The following FREM3 variants were observed in gnomAD, a reference collection of about 807,000 sequenced individuals.
FREM3 encodes the protein FRAS1-related extracellular matrix protein 3.
FREM3 carries 105 observed loss-of-function variants against 129.1 expected under a neutral mutation model. That is an observed-to-expected ratio of 0.81 (90% CI 0.69 to 0.96). The LOEUF (loss-of-function observed/expected upper bound fraction) is 0.96, where lower values mean the gene tolerates loss of function less well. FREM3 is among the 40% of genes least tolerant of loss of function. The pLI is 0.00. For synonymous variants in FREM3, 1,014 were observed against 1,044.9 expected (o/e 0.97, Z 0.57); for missense variants, 2,593 against 2,666.3 (o/e 0.97, Z 0.61).
chr4:143,670,886 A>G (rs956467705), intron 2 of FREM3, among the ~76,000 whole-genome samples: 1 of 152,162 alleles, frequency 6.6e-6, no homozygotes. Flanking sequence ...AAAATAAATT[A>G]TAATGAAAAA....
At chr4:143,655,690 G>T (rs150680184) in intron 2 of FREM3, among the ~76,000 whole-genome samples, 29 of 152,162 alleles carry the variant, frequency 1.9e-4, no homozygotes, top group African/African-American at 6.5e-4. Context: ...AAAACCATGT[G>T]GAAAAAAATA....
chr4:143,579,494 G>A (rs1738096682), intron 7 of FREM3, among the ~76,000 whole-genome samples: 1 of 152,164 alleles, frequency 6.6e-6, no homozygotes, highest in Admixed American at 6.5e-5. Context: ...AAATTACTAA[G>A]GCAGGAGAGT....
In FREM3 at chr4:143,700,529, C is replaced by T; in HGVS notation, c.147G>A (p.Arg49=). 6.6e-7 allele frequency: 1 copy of T among 1,519,634 alleles called. No individual in the cohort carries two copies. Among genetic ancestry groups the T allele is most frequent in the African/African-American group, 1.4e-5 (1 of 72,698 alleles). 94.1% of individuals were successfully genotyped at this position (1,519,634 alleles called of 1,614,324 possible). Residue 49 remains arginine (R), a synonymous_variant, in exon 1 of 8, where the codon CGG becomes CGA. Coordinates refer to ENST00000329798, the MANE Select transcript of FREM3 (RefSeq NM_001168235.2). ...CGGGGCGAGTGCCGTCAAGCGCACCCCGGGCGGGCAGGTAAAGCGCCGGGT... is the reference window on the plus strand; with the variant it reads ...CGGGGCGAGTGCCGTCAAGCGCACCTCGGGCGGGCAGGTAAAGCGCCGGGT... The part of the protein sequence containing the change: ...EPDPALYLPA[R]GALDGTRPDG...
At chr4:143,680,216 C>CTATA (rs34374191) in intron 2 of FREM3, among the ~76,000 whole-genome samples, 4 of 148,108 alleles carry the variant, frequency 2.7e-5, no homozygotes, top group African/African-American at 9.9e-5. Context: ...AGACCTTCCC[C>CTATA]TATATATATA....
intron 2 of FREM3, among the ~76,000 whole-genome samples, chr4:143,641,005 A>G (rs1739313007): frequency 6.6e-6 from 1 of 152,192 alleles, no homozygotes; most frequent in Non-Finnish European, 1.5e-5. Context: ...ATAATAAATA[A>G]AAACAAATAT....
chr4:143,676,330 A>G (rs1325860137), intron 2 of FREM3, among the ~76,000 whole-genome samples: 2 of 152,344 alleles, frequency 1.3e-5, no homozygotes, highest in Admixed American at 1.3e-4. Flanking sequence ...GGCCTTTGAC[A>G]AAATTCAACA....
At chr4:143,591,758 A>T (rs2149835071) in intron 6 of FREM3, among the ~76,000 whole-genome samples, 1 of 152,292 alleles carries the variant, frequency 6.6e-6, no homozygotes, top group Non-Finnish European at 1.5e-5. Context: ...TATGAGGTCC[A>T]CTTGGTGCAG....
At chr4:143,622,622 A>G (rs1267405338) in intron 4 of FREM3, among the ~76,000 whole-genome samples, 3 of 152,144 alleles carry the variant, frequency 2.0e-5, no homozygotes, top group African/African-American at 7.2e-5. Context: ...TTTTACCTGT[A>G]TGGTAGTCTA....
chr4:143,613,825 C>T (rs1738800006), intron 5 of FREM3, among the ~76,000 whole-genome samples: 1 of 152,166 alleles, frequency 6.6e-6, no homozygotes, highest in Admixed American at 6.5e-5. Context: ...AAAGCAGATA[C>T]TGTAGACACT....
At chr4:143,660,230 G>A (rs1341629934) in intron 2 of FREM3, among the ~76,000 whole-genome samples, 2 of 151,530 alleles carry the variant, frequency 1.3e-5, no homozygotes, top group East Asian at 3.9e-4. Context: ...TAACATTTAA[G>A]TCTTTAATCC....
intron 5 of FREM3, among the ~76,000 whole-genome samples, chr4:143,620,426 C>T (rs17748168): frequency 0.34 from 52,150 of 152,126 alleles, 10,326 homozygotes; most frequent in Middle Eastern, 0.47. Context: ...CCGTAATTTT[C>T]GTTTTCTGCA....
chr4:143,596,189 A>T (rs1368767382), intron 6 of FREM3, among the ~76,000 whole-genome samples: 1 of 152,210 alleles, frequency 6.6e-6, no homozygotes, highest in Non-Finnish European at 1.5e-5. Flanking sequence ...TTTAGATTTT[A>T]TAGAATGTGG....
chr4:143,699,332 T>C lies in FREM3; in HGVS notation c.1344A>G (p.Ser448=). Residue 448 remains serine, a synonymous_variant, in exon 1 of 8, where the codon TCA becomes TCG. Coordinates refer to ENST00000329798, the MANE Select transcript of FREM3 (RefSeq NM_001168235.2). The surrounding 1 kb of genome is among the most constrained non-coding windows in gnomAD (Gnocchi z 4.2). The part of the protein sequence containing the change: ...NRGLVLFEGQ[S]RPLSSTHSIP... ...TGCTGTGGGTGCTGGACAAGGGCCT[T>C]GACTGACCTTCAAAAAGCACAAGTC... 3.3e-6 allele frequency: 5 copies of C among 1,537,384 alleles called. No homozygotes were observed. The highest frequency in any genetic ancestry group is 4.4e-6 in the Non-Finnish European group (5 of 1,146,942).
Position 143,697,402 on chromosome 4 carries a change from G to A in FREM3, c.3274C>T (p.His1092Tyr). The change falls in exon 1 of 8, where the codon CAT (histidine) becomes TAT (tyrosine). Residue 1092 changes from histidine (H) to tyrosine (Y), a missense_variant. His to Tyr is a moderately conservative substitution (Grantham distance 83). Around this residue, in one of 2 missense-constraint regions of FREM3, gnomAD observed 2,276 missense variants for 2,267.2 expected, o/e 1.00. Coordinates refer to ENST00000329798, the MANE Select transcript of FREM3 (RefSeq NM_001168235.2). ...EGEKNSLTLQ[H>Y]LHVEDVDTHQ... ...GTGTCCACATCTTCAACATGGAGATGTTGTAAGGTCAAGGAGTTCTTCTCA... is the reference window on the plus strand; with the variant it reads ...GTGTCCACATCTTCAACATGGAGATATTGTAAGGTCAAGGAGTTCTTCTCA... 6.5e-7 allele frequency: 1 copy of A among 1,537,262 alleles called. No individual in the cohort carries two copies. The highest frequency in any genetic ancestry group is 8.7e-7 in the Non-Finnish European group (1 of 1,146,896).
chr4:143,653,790 C>A (rs1399470927), intron 2 of FREM3, among the ~76,000 whole-genome samples: 1 of 152,078 alleles, frequency 6.6e-6, no homozygotes, highest in African/African-American at 2.4e-5. Flanking sequence ...TAAATCAGAG[C>A]GTTTAGATGG....
At chr4:143,666,741 T>TAAA (rs1739869900) in intron 2 of FREM3, among the ~76,000 whole-genome samples, 1 of 152,118 alleles carries the variant, frequency 6.6e-6, no homozygotes, top group South Asian at 2.1e-4. Context: ...GGAGTATTAC[T>TAAA]GTTTAATAAA....
chr4:143,599,473 T>C (rs148834984), intron 6 of FREM3, among the ~76,000 whole-genome samples: 3 of 152,306 alleles, frequency 2.0e-5, no homozygotes, highest in Admixed American at 1.3e-4. Flanking sequence ...TTGAGGTTCC[T>C]TCTGGTCTTA....
At position 143,595,889 on chromosome 4, in the gene FREM3, G is replaced by GGAAAAAAAAAA. The variant is rs750809003; in HGVS notation, c.6029-9897_6029-9896insTTTTTTTTTTC. On this transcript the variant is annotated intron_variant, in intron 6 of 7. Transcript: ENST00000329798. The stretch of plus-strand genomic sequence containing the variant: ...GGCGACAGAGCGAGACGCCATCTCA[G>GGAAAAAAAAAA]AAAAAAAAAAAAAAAGAAGGAACTG... Among the ~76,000 whole-genome samples, 147 of 110,638 alleles carry GGAAAAAAAAAA rather than the reference G, an allele frequency of 1.3e-3. 12 individuals carry two copies. Among genetic ancestry groups the GGAAAAAAAAAA allele is most frequent in the Middle Eastern group, 5.4e-3 (1 of 184 alleles). 72.6% of individuals were successfully genotyped at this position (110,638 alleles called of 152,430 possible). A position where few individuals can be genotyped will look rare whatever the true frequency, so the allele number is the denominator to read the frequency against.
chr4:143,583,661 TAA>T (rs879856579), intron 7 of FREM3, among the ~76,000 whole-genome samples: 1 of 142,768 alleles, frequency 7.0e-6, no homozygotes, highest in African/African-American at 2.6e-5. Flanking sequence ...TAAGCATTAT[TAA>T]AAAAAAAAAA....
Sources: gnomAD v4.1 joint callset for allele counts (sites outside exome capture counted in the v4.1 genomes callset) on GRCh38, gnomAD v4.1.1 for gene constraint, gnomAD v4.1.1 regional missense constraint, Gnocchi (gnomAD v3.1) non-coding constraint, MANE v1.5 for transcripts, NCBI Gene and HGNC (gene_info 2026-07-23, HGNC 2026-07-21) for gene names.